PFKP: variants seen among roughly 807,000 people sequenced by gnomAD.
The protein encoded by PFKP is ATP-dependent 6-phosphofructokinase, platelet type.
PFKP carries 101 observed loss-of-function variants against 94.3 expected under a neutral mutation model. The ratio of observed to expected loss-of-function variants is 1.07; its 90% CI spans 0.91 to 1.26. PFKP has a LOEUF of 1.26. Ranked by LOEUF, PFKP falls within the 50% of genes most tolerant of loss-of-function variation. The probability of loss-of-function intolerance (pLI) is 0.00; values close to 1 mark genes in which losing one functional copy is unlikely to be tolerated. For missense variants in PFKP, 1,145 were observed against 1,103.3 expected, an observed-to-expected ratio of 1.04 and a Z score of -0.53; for synonymous variants, 573 against 432.6, an observed-to-expected ratio of 1.32 and a Z score of -4.03.
Position 3,132,357 on chromosome 10 carries a change from A to ATTTTG in PFKP, c.1849-21_1849-20insTTGTT, listed in dbSNP as rs767185273. ...GTACTTAGTAGAAGTTTATTGTCTG[A>ATTTTG]TTAACAAAATACTCTCTTCCAGTCC... On this transcript the variant is annotated intron_variant, in intron 17 of 21. Transcript: ENST00000381125. 3.8e-6 allele frequency: 6 copies of ATTTTG among 1,577,298 alleles called. No homozygotes were observed. The South Asian group carries it at 6.6e-5, about 17-fold the overall frequency.
At chr10:3,067,991 T>A (rs1048092247) in intron 1 of PFKP, among the ~76,000 whole-genome samples, 3 of 152,078 alleles carry the variant, frequency 2.0e-5, no homozygotes, top group Non-Finnish European at 2.9e-5. Context: ...GGAAGGGACA[T>A]GGCGGTAGGA....
chr10:3,093,701 T>C (rs747404419), intron 2 of PFKP, among the ~76,000 whole-genome samples: 1 of 138,314 alleles, frequency 7.2e-6, no homozygotes, highest in Admixed American at 7.9e-5. Flanking sequence ...TGGAGTGCAG[T>C]GGCGCAATCT....
Position 3,094,082 on chromosome 10 carries a change from CT to C in PFKP, c.187-5192del, listed in dbSNP as rs532307852. On this transcript the variant is annotated intron_variant, in intron 2 of 21. Coordinates refer to ENST00000381125, the MANE Select transcript of PFKP (RefSeq NM_002627.5). ...ATCTAGTTTCAGTGAACATTTCAAA[CT>C]GCAGAAGAGCACCATCTCCCTTCAC... Among the ~76,000 whole-genome samples the C allele has an allele frequency of 4.8e-3, 732 of 152,296 alleles. 5 individuals carry two copies. The highest frequency in any genetic ancestry group is 5.9e-3 in the Non-Finnish European group (402 of 68,030).
At chr10:3,079,676 A>AGGGGGGGGGGGGGGGGGGG (rs1832893826) in intron 1 of PFKP, among the ~76,000 whole-genome samples, 1 of 59,394 alleles carries the variant, frequency 1.7e-5, no homozygotes, top group African/African-American at 5.5e-5. Flanking sequence ...GGGGGGGGGA[A>AGGGGGGGGGGGGGGGGGGG]GAGGAGCAGG....
chr10:3,098,929 C>CT (rs2131525753), intron 2 of PFKP, among the ~76,000 whole-genome samples: 1 of 152,304 alleles, frequency 6.6e-6, no homozygotes, highest in East Asian at 1.9e-4. Flanking sequence ...TGAGTTTGTG[C>CT]TGAAGTATGA....
At chr10:3,094,686 CCT>C (rs1461715226) in intron 2 of PFKP, among the ~76,000 whole-genome samples, 1 of 152,192 alleles carries the variant, frequency 6.6e-6, no homozygotes, top group Non-Finnish European at 1.5e-5. Context: ...ATTCCTGCCG[CCT>C]CTCTTTCTCG....
rs1465464644 is a variant in PFKP, at chr10:3,113,113, C to A, written c.1155-6C>A. The stretch of plus-strand genomic sequence containing the variant: ...ACTCCGGTCCAACGACACCCTTTTC[C>A]TTTAGGAGCTTTGCGGGCAACCTGA... On this transcript the variant is annotated splice_polypyrimidine_tract_variant and splice_region_variant and intron_variant, in intron 11 of 21. Coordinates refer to ENST00000381125, the MANE Select transcript of PFKP (RefSeq NM_002627.5). 2.5e-6 allele frequency: 4 copies of A among 1,612,006 alleles called. No homozygotes were observed. The East Asian group carries it at 8.9e-5, about 36-fold the overall frequency.
chr10:3,126,508 GC>G (rs1341343821), intron 16 of PFKP, among the ~76,000 whole-genome samples: 1 of 152,206 alleles, frequency 6.6e-6, no homozygotes, highest in Non-Finnish European at 1.5e-5. Context: ...CCCTACCCTG[GC>G]CAGCAGCTGT....
In PFKP at chr10:3,101,065, C is replaced by G. The variant is rs1213462168; in HGVS notation, c.265-300C>G. 2.3e-6 allele frequency: 3 copies of G among 1,287,014 alleles called. No homozygotes were observed. The African/African-American group carries it at 4.4e-5, about 19-fold the overall frequency. The allele number at this position is 1,287,014 out of a possible 1,614,324, so 79.7% of individuals were successfully genotyped here. A position where few individuals can be genotyped will look rare whatever the true frequency, so the allele number is the denominator to read the frequency against. ...AGCTCGTTGGCCGGTGCTGAGGCGG[C>G]TGCTGTGACACCGCAGGCTGGTTCC... On this transcript the variant is annotated intron_variant, in intron 3 of 21. Transcript: ENST00000381125.
At chr10:3,074,874 G>GAC (rs199637312) in intron 1 of PFKP, among the ~76,000 whole-genome samples, 2,444 of 152,206 alleles carry the variant, frequency 0.016, 38 homozygotes, top group East Asian at 0.092. Flanking sequence ...AGGAATTAAA[G>GAC]ACACACACAC....
chr10:3,071,172 T>G (rs1832148737), intron 1 of PFKP, among the ~76,000 whole-genome samples: 1 of 152,160 alleles, frequency 6.6e-6, no homozygotes, highest in Non-Finnish European at 1.5e-5. Context: ...TTGGGTGGCT[T>G]TGTTAGGGGA....
intron 1 of PFKP, among the ~76,000 whole-genome samples, chr10:3,075,771 G>A (rs917142032): frequency 5.3e-5 from 8 of 150,748 alleles, no homozygotes; most frequent in African/African-American, 9.8e-5. Context: ...CAGGCGTGGC[G>A]GTGCACACCT....
At chr10:3,091,765 G>A (rs749720393) in intron 2 of PFKP, among the ~76,000 whole-genome samples, 90 of 152,122 alleles carry the variant, frequency 5.9e-4, no homozygotes, top group Non-Finnish European at 1.9e-4. Context: ...CAGCCTGGGT[G>A]ACAGAGCGAG....
chr10:3,113,079 G>C (rs1399920367), intron 11 of PFKP, 40 bp from the exon 12 acceptor site: 2 of 1,581,758 alleles, frequency 1.3e-6, no homozygotes, highest in South Asian at 2.3e-5. Context: ...GTTGTGTCCG[G>C]TATTCTCGAC....
chr10:3,084,164 A>C (rs1018758867), intron 2 of PFKP, among the ~76,000 whole-genome samples: 26 of 152,222 alleles, frequency 1.7e-4, no homozygotes, highest in Non-Finnish European at 3.4e-4. Context: ...ACTGAGCTAA[A>C]AGGGACAGTC....
chr10:3,075,301 A>C (rs1832493553), intron 1 of PFKP, among the ~76,000 whole-genome samples: 1 of 152,056 alleles, frequency 6.6e-6, no homozygotes, highest in African/African-American at 2.4e-5. Context: ...GTTTATGGCC[A>C]GATTTGGGGG....
rs541489177 is a variant in PFKP, at chr10:3,073,924, G to A, written c.112+6217G>A. On this transcript the variant is annotated intron_variant, in intron 1 of 21. Transcript: ENST00000381125. ...TTGATGTCGGCTCACTGCAACCTCC[G>A]CCTCCTGAGTTCAAGCGATTTTCCT... Among the ~76,000 whole-genome samples the A allele has an allele frequency of 7.2e-5, 11 of 152,082 alleles. No individual in the cohort carries two copies. In the East Asian group the frequency reaches 1.6e-3, roughly 21 times the overall value.
intron 13 of PFKP, 72 bp downstream of exon 13, chr10:3,113,590 G>C (rs1836486662): frequency 2.8e-6 from 4 of 1,410,588 alleles, no homozygotes; most frequent in Admixed American, 2.0e-5. Context: ...CGGCGGGGGG[G>C]TGCCCTCCAT....
At chr10:3,105,051 G>A (rs1283768398) in intron 5 of PFKP, 64 bp from the exon 6 acceptor site, 3 of 1,474,938 alleles carry the variant, frequency 2.0e-6, no homozygotes, top group Admixed American at 1.7e-5. Context: ...AGGACTGAGT[G>A]GGTGCTCCCT....
Sources: gnomAD v4.1 joint callset for allele counts (sites outside exome capture counted in the v4.1 genomes callset) on GRCh38, gnomAD v4.1.1 for gene constraint, MANE v1.5 for transcripts, NCBI Gene and HGNC (gene_info 2026-07-23, HGNC 2026-07-21) for gene names.